ABLIM2: variants seen among roughly 807,000 people sequenced by gnomAD.
The protein encoded by ABLIM2 is actin binding LIM protein family member 2.
In ABLIM2, 53 loss-of-function variants were observed where a neutral mutation model predicts 97.7. That is an observed-to-expected ratio of 0.54 (90% CI 0.44 to 0.68). The LOEUF (loss-of-function observed/expected upper bound fraction) is 0.68. ABLIM2 is among the 30% of genes least tolerant of loss of function. ABLIM2 has a pLI of 0.00. For synonymous variants in ABLIM2, 361 were observed against 345.8 expected (o/e 1.04, Z -0.49); for missense variants, 835 against 867.2 (o/e 0.96, Z 0.47).
chr4:8,013,219 CTT>C (rs60424207), intron 14 of ABLIM2, among the ~76,000 whole-genome samples: 94 of 110,594 alleles, frequency 8.5e-4, no homozygotes, highest in African/African-American at 2.6e-3. Context: ...AACATTTTTC[CTT>C]TTTTTTTTTT....
chr4:8,111,068 G>A (rs1279703833), intron 1 of ABLIM2, among the ~76,000 whole-genome samples: 3 of 152,256 alleles, frequency 2.0e-5, no homozygotes, highest in Non-Finnish European at 4.4e-5. Context: ...TCAGCCACGT[G>A]TTTTACATTA....
intron 1 of ABLIM2, among the ~76,000 whole-genome samples, chr4:8,139,821 A>G (rs1850698745): frequency 6.6e-6 from 1 of 152,212 alleles, no homozygotes; most frequent in African/African-American, 2.4e-5. Flanking sequence ...TTGCAGCACT[A>G]TACACAATAG....
chr4:8,042,659 G>C (rs948598080), intron 9 of ABLIM2, among the ~76,000 whole-genome samples: 13 of 152,040 alleles, frequency 8.6e-5, no homozygotes, highest in Admixed American at 6.6e-4. Flanking sequence ...GACCAACATG[G>C]AGAAACCCCG....
chr4:8,018,612 A>G (rs1470778295), intron 14 of ABLIM2, among the ~76,000 whole-genome samples: 2 of 152,180 alleles, frequency 1.3e-5, no homozygotes, highest in Non-Finnish European at 2.9e-5. Context: ...GCCATGATGG[A>G]GAAAGTATTT....
In ABLIM2 at chr4:8,106,485, G is replaced by T. The variant is rs199635083; in HGVS notation, c.154+9C>A. On this transcript the variant is annotated intron_variant, in intron 2 of 20. Transcript: ENST00000447017. ...GGGGCCACACTGCAGGGGACCGGGGGACACTCACCTTTACAGACGAAGCAC... is the reference window on the plus strand; with the variant it reads ...GGGGCCACACTGCAGGGGACCGGGGTACACTCACCTTTACAGACGAAGCAC... 23 of 1,589,100 alleles carry T rather than the reference G, an allele frequency of 1.4e-5. No individual in the cohort carries two copies. In the African/African-American group the frequency reaches 2.0e-4, roughly 14 times the overall value.
chr4:8,043,140 A>G lies in ABLIM2; in HGVS notation c.900+2024T>C, dbSNP rs1042093796. Among the ~76,000 whole-genome samples the G allele has an allele frequency of 3.3e-5, 5 of 152,194 alleles. No homozygotes were observed. The highest frequency in any genetic ancestry group is 2.0e-4 in the Admixed American group (3 of 15,274). On this transcript the variant is annotated intron_variant, in intron 9 of 20. Coordinates refer to ENST00000447017, the MANE Select transcript of ABLIM2 (RefSeq NM_001130083.2). This position sits in a 1 kb window ranked among gnomAD's most constrained non-coding sequence, Gnocchi z 4.8. ...GCACTCCAGCCTGGGCGACAGAGCC[A>G]GACCTTGTCTCAAAACCAAAACTAA...
intron 20 of ABLIM2, among the ~76,000 whole-genome samples, chr4:7,978,553 C>T (rs1400841459): frequency 2.0e-5 from 3 of 152,170 alleles, no homozygotes; most frequent in African/African-American, 7.2e-5. Context: ...CCAGGAGCTG[C>T]CAGACCTGCT....
chr4:8,020,455 C>T, intron 12 of ABLIM2, 152 bp from the exon 13 acceptor site: 1 of 740,876 alleles, frequency 1.3e-6, no homozygotes, highest in Non-Finnish European at 2.4e-6. Flanking sequence ...GGAGTGTGGG[C>T]CTCATCCACG....
chr4:8,053,501 G>A lies in ABLIM2; in HGVS notation c.822+687C>T, dbSNP rs141932370. 1.0e-3 allele frequency among the ~76,000 whole-genome samples: 152 copies of A among 152,208 alleles called. 2 individuals carry two copies. In the East Asian group the frequency reaches 0.027, roughly 27 times the overall value. ...TAACTGAGACCTGTCTGGGATTTTC[G>A]GGGTTCACAGACATGAGGGGGGTCT... On this transcript the variant is annotated intron_variant, in intron 8 of 20. Coordinates refer to ENST00000447017, the MANE Select transcript of ABLIM2 (RefSeq NM_001130083.2).
chr4:8,101,362 C>A (rs368477644), intron 2 of ABLIM2, among the ~76,000 whole-genome samples: 1 of 152,212 alleles, frequency 6.6e-6, no homozygotes. Context: ...TTAGGCTGTG[C>A]GGAACAAGGA....
intron 1 of ABLIM2, among the ~76,000 whole-genome samples, chr4:8,152,807 T>C (rs12506374): frequency 0.17 from 25,761 of 152,186 alleles, 2,287 homozygotes; most frequent in East Asian, 0.32. Context: ...AGGCAGAGAC[T>C]GGTCAGCTCA....
intron 14 of ABLIM2, among the ~76,000 whole-genome samples, chr4:8,013,943 T>C (rs775780396): frequency 6.6e-6 from 1 of 152,208 alleles, no homozygotes; most frequent in Non-Finnish European, 1.5e-5. Context: ...AGCTCCCTCT[T>C]TGGCGGCATC....
At chr4:8,114,440 T>G (rs1578145647) in intron 1 of ABLIM2, among the ~76,000 whole-genome samples, 1 of 152,220 alleles carries the variant, frequency 6.6e-6, no homozygotes, top group Non-Finnish European at 1.5e-5. Context: ...TGCCTTACAG[T>G]GTGTCCCCTC....
At chr4:8,134,832 C>T (rs1428797243) in intron 1 of ABLIM2, among the ~76,000 whole-genome samples, 1 of 152,228 alleles carries the variant, frequency 6.6e-6, no homozygotes, top group Non-Finnish European at 1.5e-5. Flanking sequence ...CATTTCTATC[C>T]AACAATTCCT....
intron 20 of ABLIM2, among the ~76,000 whole-genome samples, chr4:7,976,867 A>G (rs1002964588): frequency 6.6e-6 from 1 of 150,776 alleles, no homozygotes; most frequent in Non-Finnish European, 1.5e-5. Context: ...ACACGTATAC[A>G]TACATAAACA....
intron 11 of ABLIM2, among the ~76,000 whole-genome samples, chr4:8,028,337 A>G (rs1778749728): frequency 1.3e-5 from 2 of 152,238 alleles, no homozygotes; most frequent in African/African-American, 4.8e-5. Flanking sequence ...CCTTAGGACG[A>G]GGAGCTCAAT....
In ABLIM2 at chr4:8,058,968, C is replaced by T. The variant is rs1180555165; in HGVS notation, c.763+1999G>A. ...CCTCGAGCGACTTTCCACCTGCTGCCCCAACCCTGCTCATTGGCTGCAACC... is the reference window on the plus strand; with the variant it reads ...CCTCGAGCGACTTTCCACCTGCTGCTCCAACCCTGCTCATTGGCTGCAACC... On this transcript the variant is annotated intron_variant, in intron 7 of 20. Transcript: ENST00000447017. This position sits in a 1 kb window ranked among gnomAD's most constrained non-coding sequence, Gnocchi z 4.2. Among the ~76,000 whole-genome samples the T allele has an allele frequency of 1.3e-5, 2 of 152,086 alleles. No homozygotes were observed. Among genetic ancestry groups the T allele is most frequent in the Non-Finnish European group, 2.9e-5 (2 of 68,010 alleles).
rs568638090 is a variant in ABLIM2 at position 8,015,046 on chromosome 4, G to C, written c.1423+4572C>G. ...AGCAATTCTCGTACTTCAGCCTCCC[G>C]AGTAGCTGGGATTACAGGCGCCGGC... On this transcript the variant is annotated intron_variant, in intron 14 of 20. Transcript: ENST00000447017. This position sits in a 1 kb window ranked among gnomAD's most constrained non-coding sequence, Gnocchi z 4.6. Among the ~76,000 whole-genome samples, 4 of 151,650 alleles carry C rather than the reference G, an allele frequency of 2.6e-5. No homozygotes were observed. Among genetic ancestry groups the C allele is most frequent in the African/African-American group, 7.3e-5 (3 of 41,234 alleles).
chr4:8,107,857 T>C (rs1838249350), intron 1 of ABLIM2, among the ~76,000 whole-genome samples: 1 of 152,072 alleles, frequency 6.6e-6, no homozygotes, highest in Non-Finnish European at 1.5e-5. Context: ...AATCAGATCA[T>C]TATGCGGCTG....
Sources: gnomAD v4.1 joint callset for allele counts (sites outside exome capture counted in the v4.1 genomes callset) on GRCh38, gnomAD v4.1.1 for gene constraint, Gnocchi (gnomAD v3.1) non-coding constraint, MANE v1.5 for transcripts, NCBI Gene and HGNC (gene_info 2026-07-23, HGNC 2026-07-21) for gene names.